The following MAP7 variants were observed in gnomAD, a reference collection of about 807,000 sequenced individuals.
MAP7 encodes ensconsin.
MAP7 carries 52 observed loss-of-function variants against 94.8 expected under a neutral mutation model. The ratio of observed to expected loss-of-function variants is 0.55; its 90% CI spans 0.44 to 0.69. The LOEUF (loss-of-function observed/expected upper bound fraction) is 0.69, where lower values mean the gene tolerates loss of function less well. Ranked by LOEUF, MAP7 falls within the 30% of genes least tolerant of loss-of-function variation. The probability of loss-of-function intolerance (pLI) is 0.00; values close to 1 mark genes in which losing one functional copy is unlikely to be tolerated. For synonymous variants in MAP7, 350 were observed against 357.0 expected (o/e 0.98, Z 0.22); for missense variants, 940 against 964.6 (o/e 0.97, Z 0.34).
At chr6:136,492,445 T>G (rs976809436) in intron 1 of MAP7, among the ~76,000 whole-genome samples, 1 of 152,204 alleles carries the variant, frequency 6.6e-6, no homozygotes, top group Non-Finnish European at 1.5e-5. Flanking sequence ...AAAACTTTCT[T>G]TCAAATAAGT....
At chr6:136,517,506 A>G (rs1015624628) in intron 1 of MAP7, among the ~76,000 whole-genome samples, 4 of 152,368 alleles carry the variant, frequency 2.6e-5, no homozygotes, top group East Asian at 3.8e-4. Context: ...TCACATAATC[A>G]GCTCCAATTA....
chr6:136,475,964 T>C (rs1045667467), intron 1 of MAP7: 1 of 152,226 alleles, frequency 6.6e-6, no homozygotes, highest in Non-Finnish European at 1.5e-5. Flanking sequence ...TGTTGAAACA[T>C]ACATTCTATG....
rs757742259 is a variant in MAP7, at chr6:136,361,016, C to T, written c.1690G>A (p.Ala564Thr). Residue 564 changes from alanine (A) to threonine (T), a missense_variant, in exon 12 of 18, where the codon GCC becomes ACC. Coordinates refer to ENST00000354570, the MANE Select transcript of MAP7 (RefSeq NM_003980.6). ...GGGTGCGGCCGCACCTGCCTCTGGG[C>T]GCGCTCTGCCTCCTCCCGCTCGCGC... The part of the protein sequence containing the change: ...ALREREEAER[A>T]QRQKEEEARV... The T allele has an allele frequency of 6.4e-6, 10 of 1,570,090 alleles. No individual in the cohort carries two copies. Among genetic ancestry groups the T allele is most frequent in the South Asian group, 2.3e-5 (2 of 88,676 alleles).
intron 1 of MAP7, among the ~76,000 whole-genome samples, chr6:136,461,015 C>T (rs1480766677): frequency 2.0e-5 from 3 of 152,150 alleles, no homozygotes; most frequent in Non-Finnish European, 4.4e-5. Flanking sequence ...GGCTAAAACC[C>T]TCTATACAGC....
At chr6:136,497,525 T>G (rs1459059680) in intron 1 of MAP7, among the ~76,000 whole-genome samples, 1 of 140,356 alleles carries the variant, frequency 7.1e-6, no homozygotes, top group Admixed American at 7.1e-5. Flanking sequence ...TCATCTTACT[T>G]AAAAAAAAAA....
At chr6:136,401,672 C>A (rs2128710174) in intron 3 of MAP7, among the ~76,000 whole-genome samples, 1 of 151,838 alleles carries the variant, frequency 6.6e-6, no homozygotes, top group Admixed American at 6.5e-5. Context: ...AGGAGATATA[C>A]CTAATGTAAA....
At chr6:136,366,130 G>GT (rs1794261276) in intron 9 of MAP7, 112 bp from the exon 10 acceptor site, 2 of 1,188,638 alleles carry the variant, frequency 1.7e-6, no homozygotes, top group East Asian at 2.5e-5. Context: ...CCGTGTATTT[G>GT]TTTTTTATGT....
At chr6:136,546,530 C>CT (rs1354278889) in intron 1 of MAP7, among the ~76,000 whole-genome samples, 2 of 152,146 alleles carry the variant, frequency 1.3e-5, no homozygotes, top group Non-Finnish European at 2.9e-5. Flanking sequence ...CCAGTTCCAC[C>CT]ACTTTTTAAA....
At chr6:136,454,642 C>T (rs1460439983) in intron 1 of MAP7, among the ~76,000 whole-genome samples, 4 of 151,666 alleles carry the variant, frequency 2.6e-5, no homozygotes, top group South Asian at 4.2e-4. Context: ...CAGTGGCTCA[C>T]GCCTGAAATC....
chr6:136,515,419 G>A (rs771864163), intron 1 of MAP7, among the ~76,000 whole-genome samples: 1 of 152,094 alleles, frequency 6.6e-6, no homozygotes, highest in African/African-American at 2.4e-5. Flanking sequence ...TTCACATCTT[G>A]GCTGTTTGGC....
At chr6:136,402,794 T>G (rs77165870) in intron 3 of MAP7, among the ~76,000 whole-genome samples, 55 of 143,720 alleles carry the variant, frequency 3.8e-4, no homozygotes, top group African/African-American at 7.6e-4. Flanking sequence ...TAGTCCCAGC[T>G]ACTCGGGAGG....
chr6:136,360,938 T>A (rs1792498377), intron 12 of MAP7, 67 bp downstream of exon 12: 1 of 1,546,828 alleles, frequency 6.5e-7, no homozygotes, highest in African/African-American at 1.4e-5. Flanking sequence ...GTCCGCACCC[T>A]CCTCTGCTGG....
Position 136,503,230 on chromosome 6 carries a change from G to A in MAP7, c.67+47112C>T, listed in dbSNP as rs142838594. On this transcript the variant is annotated intron_variant, in intron 1 of 17. Coordinates refer to ENST00000354570, the MANE Select transcript of MAP7 (RefSeq NM_003980.6). ...TCCCTCCTTTATTCTGAAAGAAGGC[G>A]GCCAACTTAACTTTTTATGTACTTT... 2.6e-3 allele frequency among the ~76,000 whole-genome samples: 403 copies of A among 152,176 alleles called. 2 individuals are homozygous for A. The highest frequency in any genetic ancestry group is 3.3e-3 in the Non-Finnish European group (223 of 68,026).
chr6:136,425,262 T>A (rs1178257836), intron 1 of MAP7, among the ~76,000 whole-genome samples: 1 of 152,218 alleles, frequency 6.6e-6, no homozygotes, highest in Non-Finnish European at 1.5e-5. Flanking sequence ...TGACCGTAAC[T>A]GAAACCTCAA....
intron 1 of MAP7, among the ~76,000 whole-genome samples, chr6:136,546,047 C>T (rs753348872): frequency 1.3e-5 from 2 of 152,202 alleles, no homozygotes; most frequent in Non-Finnish European, 2.9e-5. Flanking sequence ...TGGTCTCGCT[C>T]TGTCACCCAG....
At position 136,361,097 on chromosome 6, in the gene MAP7, C is replaced by T. The variant is rs142006982; in HGVS notation, c.1609G>A (p.Glu537Lys). Reference protein sequence around the residue: ...REEESRRLEAEQAREKEEQLQ... With the variant: ...REEESRRLEAKQAREKEEQLQ... ...TGCTCCTCCTTCTCCCGGGCCTGCT[C>T]GGCTTCCAGCCTGCGCGACTCCTCC... The change falls in exon 12 of 18, where the codon GAG (glutamate) becomes AAG (lysine). Residue 537 changes from glutamate to lysine, a missense_variant. By Grantham distance (56) the Glu-to-Lys change is moderately conservative. Transcript: ENST00000354570. 1.4e-4 allele frequency: 231 copies of T among 1,604,850 alleles called. No individual in the cohort carries two copies. Among genetic ancestry groups the T allele is most frequent in the Non-Finnish European group, 1.8e-4 (209 of 1,179,710 alleles).
chr6:136,423,415 T>G (rs530388897), intron 1 of MAP7, among the ~76,000 whole-genome samples: 1 of 152,338 alleles, frequency 6.6e-6, no homozygotes, highest in Non-Finnish European at 1.5e-5. Flanking sequence ...TTAGCTCTCT[T>G]CAGGAAACTG....
At chr6:136,491,812 T>C (rs186157833) in intron 1 of MAP7, among the ~76,000 whole-genome samples, 63 of 152,260 alleles carry the variant, frequency 4.1e-4, no homozygotes, top group African/African-American at 1.4e-3. Flanking sequence ...CTCTCTTTGG[T>C]TTCAGATTCT....
intron 2 of MAP7, among the ~76,000 whole-genome samples, chr6:136,412,402 A>C (rs981239752): frequency 6.6e-6 from 1 of 152,206 alleles, no homozygotes; most frequent in Admixed American, 6.5e-5. Flanking sequence ...CTTGGGAAAA[A>C]ATCTGACAAA....
Sources: gnomAD v4.1 joint callset for allele counts (sites outside exome capture counted in the v4.1 genomes callset) on GRCh38, gnomAD v4.1.1 for gene constraint, MANE v1.5 for transcripts, NCBI Gene and HGNC (gene_info 2026-07-23, HGNC 2026-07-21) for gene names.